Variants in RTN1 observed in about 807,000 individuals in gnomAD.
RTN1 encodes reticulon 1.
A neutral mutation model predicts 65.5 loss-of-function variants in RTN1; 25 were observed. The observed-to-expected ratio is 0.38, with a 90% CI of 0.28 to 0.53. The LOEUF (loss-of-function observed/expected upper bound fraction) is 0.53, where lower values mean the gene tolerates loss of function less well. Among genes scored for constraint, RTN1 ranks in the 20% least tolerant of loss-of-function variants. The probability of loss-of-function intolerance (pLI) is 0.79; values close to 1 mark genes in which losing one functional copy is unlikely to be tolerated. For missense variants in RTN1, 983 were observed against 1,025.4 expected (o/e 0.96, Z 0.57); for synonymous variants, 471 against 447.6 (o/e 1.05, Z -0.66).
chr14:59,690,184 A>T (rs1282584872), intron 3 of RTN1, among the ~76,000 whole-genome samples: 3 of 152,112 alleles, frequency 2.0e-5, no homozygotes, highest in Non-Finnish European at 4.4e-5. Flanking sequence ...TTGAATTTTT[A>T]AAAAAGTACA....
intron 1 of RTN1, among the ~76,000 whole-genome samples, chr14:59,824,975 CAG>C (rs1486104875): frequency 2.6e-5 from 4 of 152,104 alleles, no homozygotes; most frequent in African/African-American, 4.8e-5. Context: ...TGGTGGTTGT[CAG>C]GGGCTGGGGG....
intron 3 of RTN1, among the ~76,000 whole-genome samples, chr14:59,696,857 C>A (rs1032902141): frequency 9.2e-5 from 14 of 152,068 alleles, no homozygotes; most frequent in African/African-American, 3.4e-4. Flanking sequence ...ATTTAAGAAA[C>A]ATTAGTAAGA....
rs1293867715 is a variant in RTN1 at position 59,849,284 on chromosome 14, T to A, written c.241+21106A>T. On this transcript the variant is annotated intron_variant, in intron 1 of 8. Coordinates refer to ENST00000267484, the MANE Select transcript of RTN1 (RefSeq NM_021136.3). The surrounding 1 kb of genome is among the most constrained non-coding windows in gnomAD (Gnocchi z 4.5). Reference sequence around the variant, plus strand: ...TGCTAAATACATGTCAACTTCTTTCTCTTTTATCTATTTCCTCTCTTTTCC... The same window carrying A: ...TGCTAAATACATGTCAACTTCTTTCACTTTTATCTATTTCCTCTCTTTTCC... 6.6e-6 allele frequency among the ~76,000 whole-genome samples: 1 copy of A among 152,228 alleles called. No individual in the cohort carries two copies. The highest frequency in any genetic ancestry group is 2.4e-5 in the African/African-American group (1 of 41,470).
intron 1 of RTN1, among the ~76,000 whole-genome samples, chr14:59,777,378 T>C (rs1886071541): frequency 1.3e-5 from 2 of 152,164 alleles, no homozygotes; most frequent in African/African-American, 2.4e-5. Flanking sequence ...TACTCATCAA[T>C]TGGAAATAGA....
rs752440751 is a variant in RTN1, at chr14:59,836,268, C to A, written c.241+34122G>T. On this transcript the variant is annotated intron_variant, in intron 1 of 8. Transcript: ENST00000267484. This position sits in a 1 kb window ranked among gnomAD's most constrained non-coding sequence, Gnocchi z 4.9. ...TTGGGAGCCATTATTCTGCCTACCA[C>A]TGCAGTTAGCATTTTTGGATTCACA... Among the ~76,000 whole-genome samples the A allele has an allele frequency of 2.6e-5, 4 of 152,258 alleles. No individual in the cohort carries two copies. Among genetic ancestry groups the A allele is most frequent in the Non-Finnish European group, 5.9e-5 (4 of 68,044 alleles).
intron 1 of RTN1, among the ~76,000 whole-genome samples, chr14:59,812,416 G>T (rs548512920): frequency 6.6e-6 from 1 of 152,076 alleles, no homozygotes. Flanking sequence ...CCTTGAAAAA[G>T]GTCTGAAGGC....
rs80247702 is a variant in RTN1 at position 59,846,118 on chromosome 14, A to G, written c.241+24272T>C. On this transcript the variant is annotated intron_variant, in intron 1 of 8. Transcript: ENST00000267484. This position sits in a 1 kb window ranked among gnomAD's most constrained non-coding sequence, Gnocchi z 4.8. Reference sequence around the variant, plus strand: ...GTAGGTGGATCATTATAGGATGTCAACCAGGTAGGAATTGAAGACAAGGTC... The same window carrying G: ...GTAGGTGGATCATTATAGGATGTCAGCCAGGTAGGAATTGAAGACAAGGTC... 0.011 allele frequency among the ~76,000 whole-genome samples: 1,728 copies of G among 152,324 alleles called. 26 individuals carry two copies. Among genetic ancestry groups the G allele is most frequent in the African/African-American group, 0.04 (1,660 of 41,570 alleles).
chr14:59,750,032 T>G (rs1260703310), intron 1 of RTN1, among the ~76,000 whole-genome samples: 2 of 73,612 alleles, frequency 2.7e-5, no homozygotes, highest in East Asian at 3.4e-4. Flanking sequence ...TTATATTATA[T>G]ACATATATTA....
chr14:59,722,296 C>A (rs1303002479), intron 3 of RTN1, among the ~76,000 whole-genome samples: 2 of 152,142 alleles, frequency 1.3e-5, no homozygotes, highest in African/African-American at 2.4e-5. Flanking sequence ...TGAGGGAAAT[C>A]GGCTTGGAGT....
At chr14:59,861,775 T>A (rs1409002817) in intron 1 of RTN1, among the ~76,000 whole-genome samples, 1 of 152,240 alleles carries the variant, frequency 6.6e-6, no homozygotes, top group Non-Finnish European at 1.5e-5. Context: ...GTTCTTCTAG[T>A]ATTTAACATT....
chr14:59,668,401 T>C (rs1231492313), intron 3 of RTN1, among the ~76,000 whole-genome samples: 2 of 152,216 alleles, frequency 1.3e-5, no homozygotes, highest in African/African-American at 2.4e-5. Context: ...GCTAGCCACA[T>C]GTAGAAAGCT....
chr14:59,647,637 T>C (rs1161547710), intron 3 of RTN1, among the ~76,000 whole-genome samples: 2 of 151,890 alleles, frequency 1.3e-5, no homozygotes, highest in African/African-American at 4.8e-5. Flanking sequence ...TACAAAAAAC[T>C]CAAAACATGC....
intron 3 of RTN1, among the ~76,000 whole-genome samples, chr14:59,704,446 G>A (rs911732789): frequency 1.3e-5 from 2 of 152,188 alleles, no homozygotes; most frequent in African/African-American, 2.4e-5. Flanking sequence ...CTGCCATCAG[G>A]GGAAGGGGAA....
chr14:59,693,137 T>TA (rs1280143937), intron 3 of RTN1, among the ~76,000 whole-genome samples: 2 of 152,194 alleles, frequency 1.3e-5, no homozygotes, highest in African/African-American at 4.8e-5. Flanking sequence ...ATCTTGGACT[T>TA]ACAGCTTCCA....
At chr14:59,663,289 G>T (rs1012222571) in intron 3 of RTN1, among the ~76,000 whole-genome samples, 1 of 152,112 alleles carries the variant, frequency 6.6e-6, no homozygotes, top group Non-Finnish European at 1.5e-5. Context: ...AGACTTAAAT[G>T]TAAGACCTAA....
chr14:59,808,357 T>C (rs1416683009), intron 1 of RTN1, among the ~76,000 whole-genome samples: 2 of 152,366 alleles, frequency 1.3e-5, no homozygotes, highest in East Asian at 3.9e-4. Context: ...TGCTACACTT[T>C]GGAATGCTGA....
intron 3 of RTN1, among the ~76,000 whole-genome samples, chr14:59,699,784 G>T (rs1884141786): frequency 6.6e-6 from 1 of 152,098 alleles, no homozygotes; most frequent in Non-Finnish European, 1.5e-5. Flanking sequence ...TTTGAACCTA[G>T]GTCTCACTTA....
At chr14:59,863,999 T>C (rs1887755382) in intron 1 of RTN1, among the ~76,000 whole-genome samples, 1 of 152,170 alleles carries the variant, frequency 6.6e-6, no homozygotes, top group Non-Finnish European at 1.5e-5. Context: ...GGCCTACTAG[T>C]AGGTCACTCT....
At chr14:59,717,928 C>A (rs985509621) in intron 3 of RTN1, among the ~76,000 whole-genome samples, 1 of 152,172 alleles carries the variant, frequency 6.6e-6, no homozygotes, top group Non-Finnish European at 1.5e-5. Flanking sequence ...CAATTAACTG[C>A]GGAGCTACTT....
Sources: allele counts gnomAD v4.1 joint callset (sites outside exome capture counted in the v4.1 genomes callset), GRCh38; gene constraint gnomAD v4.1.1; non-coding constraint Gnocchi (gnomAD v3.1); transcripts MANE v1.5; gene names NCBI Gene and HGNC (gene_info 2026-07-23, HGNC 2026-07-21).